GAS2L3: variants seen among roughly 807,000 people sequenced by gnomAD.
GAS2L3 encodes GAS2-like protein 3.
Under a neutral mutation model 37.0 loss-of-function variants are expected in GAS2L3, and 28 were observed. That is an observed-to-expected ratio of 0.76 (90% confidence interval 0.56 to 1.04). GAS2L3 has a LOEUF of 1.04. GAS2L3 is among the 50% of genes least tolerant of loss of function. The pLI, the probability that GAS2L3 is intolerant of heterozygous loss-of-function variation, is 0.00. For missense variants in GAS2L3, 793 were observed against 817.6 expected (o/e 0.97, Z 0.37); for synonymous variants, 290 against 296.6 (o/e 0.98, Z 0.23).
In GAS2L3 at chr12:100,618,586, C is replaced by T; in HGVS notation, c.647C>T (p.Ala216Val). The T allele has an allele frequency of 6.2e-7, 1 of 1,605,474 alleles. No individual in the cohort carries two copies. Residue 216 changes from alanine to valine, a missense_variant and splice_region_variant, in exon 8 of 10, where the codon GCT (alanine) becomes GTT (valine). By Grantham distance (64) the Ala-to-Val change is moderately conservative. Coordinates refer to ENST00000547754, the MANE Select transcript of GAS2L3 (RefSeq NM_174942.3). ...SCCRHEELHE[A>V]VKHIAEDPPC... is the part of the protein sequence containing the mutation. ...TGTCGGCATGAAGAGCTACATGAAGCTGTAAGTAGTTGCCACACTTTCTTT... is the reference window on the plus strand; with the variant it reads ...TGTCGGCATGAAGAGCTACATGAAGTTGTAAGTAGTTGCCACACTTTCTTT...
chr12:100,624,043 G>A lies in GAS2L3; in HGVS notation c.1238G>A (p.Gly413Asp), dbSNP rs1182659748. The A allele has an allele frequency of 6.2e-7, 1 of 1,613,866 alleles. No homozygotes were observed. Among genetic ancestry groups the A allele is most frequent in the East Asian group, 2.2e-5 (1 of 44,864 alleles). ...SSSLASLNPV[G>D]KNTSSPALPR... ...TCACTTGCTTCATTAAATCCAGTAG[G>A]TAAAAACACTTCTTCACCAGCTTTA... Residue 413 changes from glycine (G) to aspartate (D), a missense_variant, in exon 10 of 10, where the codon GGT becomes GAT. Physicochemically the swap from Gly to Asp is moderately conservative, Grantham distance 94. Coordinates refer to ENST00000547754, the MANE Select transcript of GAS2L3 (RefSeq NM_174942.3).
intron 5 of GAS2L3, among the ~76,000 whole-genome samples, chr12:100,604,122 T>C (rs1357059494): frequency 2.6e-5 from 4 of 152,112 alleles, no homozygotes; most frequent in Non-Finnish European, 5.9e-5. Flanking sequence ...GGATCTTTTT[T>C]CCATTTCTAT....
chr12:100,579,383 G>A lies in GAS2L3; in HGVS notation c.-152+5598G>A, dbSNP rs893106826. 2.2e-5 allele frequency: 19 copies of A among 882,102 alleles called. No homozygotes were observed. In the Admixed American group the frequency reaches 4.2e-4, roughly 20 times the overall value. 54.6% of individuals were successfully genotyped at this position (882,102 alleles called of 1,614,324 possible). On this transcript the variant is annotated intron_variant, in intron 1 of 9. Transcript: ENST00000547754. ...CATTCCTAACGCTGTAGATCCTATT[G>A]ACTTCACTCCAGACCCATTTAGAAG...
chr12:100,593,424 T>C (rs1955871288), intron 2 of GAS2L3, among the ~76,000 whole-genome samples: 1 of 152,174 alleles, frequency 6.6e-6, no homozygotes, highest in Non-Finnish European at 1.5e-5. Flanking sequence ...AGTGACCAAA[T>C]ATTGTGCATA....
chr12:100,581,147 C>T (rs931724281), intron 1 of GAS2L3, among the ~76,000 whole-genome samples: 19 of 152,202 alleles, frequency 1.2e-4, no homozygotes, highest in African/African-American at 4.1e-4. Flanking sequence ...CGAGGTGTGC[C>T]ATCCCAAAAC....
intron 1 of GAS2L3, among the ~76,000 whole-genome samples, chr12:100,586,918 T>C (rs1955788563): frequency 1.3e-5 from 2 of 151,954 alleles, no homozygotes; most frequent in East Asian, 3.9e-4. Context: ...CACTGAAATA[T>C]AAAAGATCAT....
In GAS2L3 at chr12:100,612,159, C is replaced by T; in HGVS notation, c.445+18C>T. 14 of 1,608,244 alleles carry T rather than the reference C, an allele frequency of 8.7e-6. No homozygotes were observed. The highest frequency in any genetic ancestry group is 1.1e-5 in the Non-Finnish European group (13 of 1,175,444). Reference sequence around the variant, plus strand: ...AGGTTTAGGTAAGTGATGTTCTTGTCATTCTTGTTTTTAATGCTTACTAGG... The same window carrying T: ...AGGTTTAGGTAAGTGATGTTCTTGTTATTCTTGTTTTTAATGCTTACTAGG... On this transcript the variant is annotated intron_variant, in intron 6 of 9. Coordinates refer to ENST00000547754, the MANE Select transcript of GAS2L3 (RefSeq NM_174942.3).
Position 100,627,296 on chromosome 12 carries a change from C to T in GAS2L3, c.*2406C>T, listed in dbSNP as rs536906172. Among the ~76,000 whole-genome samples the T allele has an allele frequency of 8.2e-4, 124 of 150,918 alleles. No individual in the cohort carries two copies. Among genetic ancestry groups the T allele is most frequent in the African/African-American group, 2.5e-3 (103 of 41,132 alleles). ...GTTTTGTTTTTTTCCTTTTTTGAGA[C>T]GGAGTTTCACTCTTGTTGCCCAGAC... On this transcript the variant is annotated 3_prime_UTR_variant, in exon 10 of 10. Transcript: ENST00000547754.
chr12:100,585,536 G>T (rs1273968335), intron 1 of GAS2L3, among the ~76,000 whole-genome samples: 1 of 151,974 alleles, frequency 6.6e-6, no homozygotes, highest in African/African-American at 2.4e-5. Context: ...TTACAGGCGT[G>T]AGCCACCACA....
Position 100,594,924 on chromosome 12 carries a change from TA to T in GAS2L3, c.18+4del. On this transcript the variant is annotated splice_donor_region_variant and intron_variant, in intron 3 of 9. Coordinates refer to ENST00000547754, the MANE Select transcript of GAS2L3 (RefSeq NM_174942.3). ...GTGACTATGCAGCCTGCAATTCAAG[TA>T]AGTTTTTTTCTTGGAAACAATATTT... 7.5e-7 allele frequency: 1 copy of T among 1,339,178 alleles called. No homozygotes were observed. The highest frequency in any genetic ancestry group is 1.0e-6 in the Non-Finnish European group (1 of 979,548). The allele number at this position is 1,339,178 out of a possible 1,614,324, so 83.0% of individuals were successfully genotyped here. A position where few individuals can be genotyped will look rare whatever the true frequency, so the allele number is the denominator to read the frequency against.
intron 3 of GAS2L3, among the ~76,000 whole-genome samples, chr12:100,598,990 T>C (rs1241726145): frequency 1.3e-5 from 2 of 152,176 alleles, no homozygotes; most frequent in African/African-American, 4.8e-5. Flanking sequence ...CACTCTGTAT[T>C]GGGACGTTCC....
chr12:100,579,665 C>T, intron 1 of GAS2L3: 1 of 779,236 alleles, frequency 1.3e-6, no homozygotes, highest in Non-Finnish European at 2.4e-6. Context: ...TTCTTAATAC[C>T]TCCCTTACTG....
At chr12:100,619,781 AT>A (rs1956231736) in intron 8 of GAS2L3, among the ~76,000 whole-genome samples, 1 of 152,056 alleles carries the variant, frequency 6.6e-6, no homozygotes, top group African/African-American at 2.4e-5. Context: ...CAAGTGGAAA[AT>A]ACAGTGTGTT....
chr12:100,612,196 TC>T, intron 6 of GAS2L3, 55 bp downstream of exon 6: 1 of 1,428,326 alleles, frequency 7.0e-7, no homozygotes, highest in Non-Finnish European at 9.8e-7. Flanking sequence ...TGTTTTAATA[TC>T]CTTCACCTCT....
At position 100,627,209 on chromosome 12, in the gene GAS2L3, TTTTA is replaced by T. The variant is rs1956341143; in HGVS notation, c.*2325_*2328del. Reference sequence around the variant, plus strand: ...CCAATTACATTCATGTTGAATGAATTTTTATTTATATATAGCTTACCCTTCCAAA... The same window carrying T: ...CCAATTACATTCATGTTGAATGAATTTTTATATATAGCTTACCCTTCCAAA... On this transcript the variant is annotated 3_prime_UTR_variant, in exon 10 of 10. Transcript: ENST00000547754. Among the ~76,000 whole-genome samples the T allele has an allele frequency of 6.6e-6, 1 of 152,214 alleles. No homozygotes were observed. Among genetic ancestry groups the T allele is most frequent in the Non-Finnish European group, 1.5e-5 (1 of 68,042 alleles).
At position 100,580,945 on chromosome 12, in the gene GAS2L3, C is replaced by T. The variant is rs1005144437; in HGVS notation, c.-152+7160C>T. Among the ~76,000 whole-genome samples, 8 of 152,278 alleles carry T rather than the reference C, an allele frequency of 5.3e-5. No homozygotes were observed. In the East Asian group the frequency reaches 9.7e-4, roughly 18 times the overall value. On this transcript the variant is annotated intron_variant, in intron 1 of 9. Coordinates refer to ENST00000547754, the MANE Select transcript of GAS2L3 (RefSeq NM_174942.3). ...CAGTTAATGCCAGGAAAAAAATCAC[C>T]GACACACTACTAGTACTTCTTTGAT...
At chr12:100,612,310 C>A in intron 6 of GAS2L3, 169 bp downstream of exon 6, 4 of 603,912 alleles carry the variant, frequency 6.6e-6, no homozygotes, top group South Asian at 6.2e-5. Context: ...GATACTAAAT[C>A]AAATATATTA....
chr12:100,608,344 A>G (rs1956082496), intron 5 of GAS2L3, among the ~76,000 whole-genome samples: 1 of 152,126 alleles, frequency 6.6e-6, no homozygotes, highest in African/African-American at 2.4e-5. Flanking sequence ...AAGGCAGCAC[A>G]GCACTGGGTC....
At chr12:100,608,084 C>T (rs187460856) in intron 5 of GAS2L3, among the ~76,000 whole-genome samples, 1 of 152,062 alleles carries the variant, frequency 6.6e-6, no homozygotes, top group Non-Finnish European at 1.5e-5. Context: ...GGGACTTGGG[C>T]CCCAAACCCA....
Sources: gnomAD v4.1 joint callset for allele counts (sites outside exome capture counted in the v4.1 genomes callset) on GRCh38, gnomAD v4.1.1 for gene constraint, MANE v1.5 for transcripts, NCBI Gene and HGNC (gene_info 2026-07-23, HGNC 2026-07-21) for gene names.